CHMP4B: variants seen among roughly 807,000 people sequenced by gnomAD.
CHMP4B encodes SNF7 homolog associated with Alix 1.
CHMP4B carries 1 observed loss-of-function variant against 25.1 expected under a neutral mutation model. The ratio of observed to expected loss-of-function variants is 0.04; its 90% CI spans 0.01 to 0.19. The LOEUF (loss-of-function observed/expected upper bound fraction) is 0.19, where lower values mean the gene tolerates loss of function less well. Among genes scored for constraint, CHMP4B ranks in the 10% least tolerant of loss-of-function variants. The pLI, the probability that CHMP4B is intolerant of heterozygous loss-of-function variation, is 1.00. For missense variants in CHMP4B, 151 were observed against 289.7 expected (o/e 0.52, Z 3.48); for synonymous variants, 101 against 115.6 (o/e 0.87, Z 0.81).
At chr20:33,849,292 C>T (rs1331945029) in intron 2 of CHMP4B, among the ~76,000 whole-genome samples, 1 of 152,194 alleles carries the variant, frequency 6.6e-6, no homozygotes, top group Non-Finnish European at 1.5e-5. Flanking sequence ...ATGAAGGCCT[C>T]TCTCTTGAAT....
chr20:33,852,529 GC>G (rs1231966142), intron 4 of CHMP4B, among the ~76,000 whole-genome samples: 1 of 152,170 alleles, frequency 6.6e-6, no homozygotes, highest in African/African-American at 2.4e-5. Context: ...ACCATCCCTG[GC>G]CTCTGCTAGA....
rs755020988 is a variant in CHMP4B at position 33,853,564 on chromosome 20, G to A, written c.*4G>A. On this transcript the variant is annotated 3_prime_UTR_variant, in exon 5 of 5. Coordinates refer to ENST00000217402, the MANE Select transcript of CHMP4B (RefSeq NM_176812.5). ...GAACTGGGCTGGATCCATGTAATGG[G>A]GTCCAGCGCTGGCTGGGCCCAGACA... 6.2e-6 allele frequency: 10 copies of A among 1,613,500 alleles called. No homozygotes were observed. Among genetic ancestry groups the A allele is most frequent in the Non-Finnish European group, 7.6e-6 (9 of 1,179,712 alleles).
At chr20:33,842,027 G>A (rs1279001941) in intron 1 of CHMP4B, among the ~76,000 whole-genome samples, 2 of 152,070 alleles carry the variant, frequency 1.3e-5, no homozygotes, top group Admixed American at 6.6e-5. Flanking sequence ...AAGCTGTGCC[G>A]CCTGTTCTGG....
chr20:33,837,242 T>G (rs775122712), intron 1 of CHMP4B, among the ~76,000 whole-genome samples: 26 of 151,832 alleles, frequency 1.7e-4, no homozygotes, highest in Non-Finnish European at 1.2e-4. Flanking sequence ...CTACAGCTAT[T>G]TCGGAGGCTG....
chr20:33,818,684 A>G (rs1182785834), intron 1 of CHMP4B, among the ~76,000 whole-genome samples: 2 of 152,224 alleles, frequency 1.3e-5, no homozygotes, highest in African/African-American at 2.4e-5. Context: ...GACACTAGAC[A>G]TTTGTGAACT....
At chr20:33,848,405 G>T in intron 1 of CHMP4B, 62 bp from the exon 2 acceptor site, 1 of 1,559,050 alleles carries the variant, frequency 6.4e-7, no homozygotes, top group Non-Finnish European at 8.8e-7. Context: ...AAAAGACTCA[G>T]TGACACTAGA....
intron 1 of CHMP4B, among the ~76,000 whole-genome samples, chr20:33,844,977 T>G (rs1471093562): frequency 6.6e-6 from 1 of 152,098 alleles, no homozygotes; most frequent in Non-Finnish European, 1.5e-5. Context: ...GCCAGGATGG[T>G]CTTGATCTCC....
chr20:33,851,086 TC>T lies in CHMP4B; in HGVS notation c.483+23del. On this transcript the variant is annotated intron_variant, in intron 3 of 4. Coordinates refer to ENST00000217402, the MANE Select transcript of CHMP4B (RefSeq NM_176812.5). Reference sequence around the variant, plus strand: ...GACGAGGTGAGTAGTTTTGTACAGATCCCATAAGCTTCACAAATGATACCCT... The same window carrying T: ...GACGAGGTGAGTAGTTTTGTACAGATCCATAAGCTTCACAAATGATACCCT... 7.0e-7 allele frequency: 1 copy of T among 1,423,066 alleles called. No homozygotes were observed. Among genetic ancestry groups the T allele is most frequent in the Non-Finnish European group, 9.9e-7 (1 of 1,005,536 alleles). 88.2% of individuals were successfully genotyped at this position (1,423,066 alleles called of 1,614,324 possible).
At chr20:33,812,055 G>A (rs1291294214) in intron 1 of CHMP4B, among the ~76,000 whole-genome samples, 4 of 151,888 alleles carry the variant, frequency 2.6e-5, no homozygotes, top group Non-Finnish European at 5.9e-5. Context: ...TGTGCTTCCT[G>A]GTCCTACCTG....
At chr20:33,817,368 A>G (rs1476404134) in intron 1 of CHMP4B, among the ~76,000 whole-genome samples, 1 of 152,188 alleles carries the variant, frequency 6.6e-6, no homozygotes, top group Admixed American at 6.5e-5. Flanking sequence ...TGGCAGGGAG[A>G]TTAGATATTT....
At chr20:33,844,071 G>A (rs1025578951) in intron 1 of CHMP4B, among the ~76,000 whole-genome samples, 1 of 152,238 alleles carries the variant, frequency 6.6e-6, no homozygotes, top group Non-Finnish European at 1.5e-5. Context: ...GGGGAGTCCT[G>A]GGGGGATACC....
intron 1 of CHMP4B, among the ~76,000 whole-genome samples, chr20:33,813,972 C>T (rs1391610847): frequency 6.6e-6 from 1 of 152,218 alleles, no homozygotes; most frequent in Non-Finnish European, 1.5e-5. Flanking sequence ...ACCTCATGAT[C>T]TGCCTGCCTC....
At chr20:33,850,925 TATG>T (rs1280076653) in intron 2 of CHMP4B, 24 bp from the exon 3 acceptor site, 2 of 1,518,528 alleles carry the variant, frequency 1.3e-6, no homozygotes, top group African/African-American at 1.4e-5. Flanking sequence ...AATCGATTGA[TATG>T]ATACCTGTCC....
At chr20:33,822,564 T>C (rs1031717561) in intron 1 of CHMP4B, among the ~76,000 whole-genome samples, 1 of 152,166 alleles carries the variant, frequency 6.6e-6, no homozygotes, top group Admixed American at 6.5e-5. Context: ...AGTCTGGAGG[T>C]AGGACTTTGG....
chr20:33,844,075 G>A (rs951471000), intron 1 of CHMP4B, among the ~76,000 whole-genome samples: 2 of 152,328 alleles, frequency 1.3e-5, no homozygotes, highest in East Asian at 1.9e-4. Context: ...AGTCCTGGGG[G>A]GATACCCCGG....
At chr20:33,823,843 T>G (rs1253060131) in intron 1 of CHMP4B, among the ~76,000 whole-genome samples, 3 of 152,066 alleles carry the variant, frequency 2.0e-5, no homozygotes, top group Non-Finnish European at 4.4e-5. Flanking sequence ...CCCAGCCTAA[T>G]TTTTTATTTT....
rs1252157610 is a variant in CHMP4B, at chr20:33,850,883, G to C, written c.369-69G>C. ...TTTGTGGGGCCCAGTTTCTGCTCCC[G>C]CCTTGCCTTGCAGGCCCCCTTTACG... is the stretch of plus-strand genomic sequence containing the variant. On this transcript the variant is annotated intron_variant, in intron 2 of 4. Transcript: ENST00000217402. 3.5e-6 allele frequency: 4 copies of C among 1,128,986 alleles called. No individual in the cohort carries two copies. In the East Asian group the frequency reaches 9.4e-5, roughly 27 times the overall value. The allele number at this position is 1,128,986 out of a possible 1,614,324, so 69.9% of individuals were successfully genotyped here. A position where few individuals can be genotyped will look rare whatever the true frequency, so the allele number is the denominator to read the frequency against.
At chr20:33,821,470 T>C (rs1358462721) in intron 1 of CHMP4B, among the ~76,000 whole-genome samples, 4 of 152,114 alleles carry the variant, frequency 2.6e-5, no homozygotes, top group African/African-American at 9.7e-5. Context: ...TTTACATGTG[T>C]GTAGCCCAGT....
At chr20:33,845,494 TG>T (rs1979664417) in intron 1 of CHMP4B, among the ~76,000 whole-genome samples, 1 of 152,160 alleles carries the variant, frequency 6.6e-6, no homozygotes, top group African/African-American at 2.4e-5. Flanking sequence ...GGCTAATTTT[TG>T]TATTTTTAGT....
Sources: allele counts gnomAD v4.1 joint callset (sites outside exome capture counted in the v4.1 genomes callset), GRCh38; gene constraint gnomAD v4.1.1; transcripts MANE v1.5; gene names NCBI Gene and HGNC (gene_info 2026-07-23, HGNC 2026-07-21).